Variants in NR3C2 observed in about 807,000 individuals in gnomAD.
The protein encoded by NR3C2 is nuclear receptor subfamily 3 group C member 2, also known as mineralocorticoid receptor.
A neutral mutation model predicts 86.4 loss-of-function variants in NR3C2; 15 were observed. The ratio of observed to expected loss-of-function variants is 0.17; its 90% confidence interval spans 0.12 to 0.27. NR3C2 has a LOEUF of 0.27. Ranked by LOEUF, NR3C2 falls within the 10% of genes least tolerant of loss-of-function variation. The pLI is 1.00. For synonymous variants in NR3C2, 458 were observed against 450.5 expected (o/e 1.02, Z -0.21); for missense variants, 960 against 1,195.6 (o/e 0.80, Z 2.91).
Position 148,081,425 on chromosome 4 carries a change from T to C in NR3C2, c.2874A>G (p.Ala958=). The C allele has an allele frequency of 1.2e-6, 2 of 1,614,048 alleles. No individual in the cohort carries two copies. Among genetic ancestry groups the C allele is most frequent in the Admixed American group, 1.7e-5 (1 of 60,020 alleles). ...GGTCGCTGATGATCTCCACCAGCAT[T>C]GCGGGGAACTCTACCTTCAGCGCAT... ...ESHALKVEFP[A]MLVEIISDQL... The change falls in exon 9 of 9, where the codon GCA becomes GCG. Residue 958 remains alanine, a synonymous_variant. Transcript: ENST00000358102.
chr4:148,091,799 G>A (rs1731074633), intron 8 of NR3C2, among the ~76,000 whole-genome samples: 1 of 152,214 alleles, frequency 6.6e-6, no homozygotes, highest in South Asian at 2.1e-4. Context: ...CCCCAGTACA[G>A]AGCTGATAGA....
intron 2 of NR3C2, among the ~76,000 whole-genome samples, chr4:148,402,330 CA>C (rs1009808065): frequency 6.6e-6 from 1 of 152,122 alleles, no homozygotes; most frequent in African/African-American, 2.4e-5. Context: ...CACTTAATAC[CA>C]AAGACACTCA....
intron 8 of NR3C2, among the ~76,000 whole-genome samples, chr4:148,082,114 C>T (rs776128704): frequency 6.6e-5 from 10 of 152,250 alleles, no homozygotes; most frequent in Non-Finnish European, 1.5e-4. Context: ...TCTTCAGCTA[C>T]TTCCTATTTC....
chr4:148,433,495 A>T (rs1328975073), intron 2 of NR3C2, among the ~76,000 whole-genome samples: 1 of 152,216 alleles, frequency 6.6e-6, no homozygotes, highest in Non-Finnish European at 1.5e-5. Flanking sequence ...AAAACTAAAA[A>T]TTATAAAACA....
chr4:148,336,752 T>C (rs1028546389), intron 2 of NR3C2, among the ~76,000 whole-genome samples: 1 of 152,188 alleles, frequency 6.6e-6, no homozygotes, highest in East Asian at 1.9e-4. Flanking sequence ...TACCTAATCA[T>C]TAAAATGATA....
At chr4:148,159,780 A>T (rs937081825) in intron 4 of NR3C2, among the ~76,000 whole-genome samples, 2 of 152,238 alleles carry the variant, frequency 1.3e-5, no homozygotes, top group African/African-American at 4.8e-5. Flanking sequence ...TGCTAATTAC[A>T]CAGGAACATT....
chr4:148,115,883 A>G (rs61764255), intron 7 of NR3C2, among the ~76,000 whole-genome samples: 2 of 152,234 alleles, frequency 1.3e-5, no homozygotes, highest in Admixed American at 1.3e-4. Flanking sequence ...TTATATAACA[A>G]ATAGTATTTT....
In NR3C2 at chr4:148,154,775, G is replaced by A. The variant is rs759774908; in HGVS notation, c.2141C>T (p.Ala714Val). The change falls in exon 5 of 9, where the codon GCA becomes GTA. Residue 714 changes from alanine to valine, a missense_variant. Physicochemically the swap from Ala to Val is moderately conservative, Grantham distance 64 (BLOSUM62 0). Coordinates refer to ENST00000358102, the MANE Select transcript of NR3C2 (RefSeq NM_000901.5). The part of the protein sequence containing the change: ...PEEGTTYIAP[A>V]KEPSVNTALV... The stretch of plus-strand genomic sequence containing the variant: ...TGCTGTGTTGACCGAGGGTTCTTTT[G>A]CAGGAGCGATGTACGTTGTCCCTTC... 3.9e-5 allele frequency: 53 copies of A among 1,371,968 alleles called. No homozygotes were observed. Among genetic ancestry groups the A allele is most frequent in the Non-Finnish European group, 9.7e-7 (1 of 1,028,980 alleles). 85.0% of individuals were successfully genotyped at this position (1,371,968 alleles called of 1,614,324 possible).
intron 3 of NR3C2, among the ~76,000 whole-genome samples, chr4:148,259,436 T>G (rs1403047931): frequency 8.5e-6 from 1 of 117,296 alleles, no homozygotes; most frequent in African/African-American, 3.4e-5. Flanking sequence ...TCAGTCAGGT[T>G]TTTCATTTAA....
In NR3C2 at chr4:148,191,344, G is replaced by A. The variant is rs563009606; in HGVS notation, c.2014+3402C>T. 1.4e-4 allele frequency among the ~76,000 whole-genome samples: 22 copies of A among 152,336 alleles called. No individual in the cohort carries two copies. The South Asian group carries it at 4.1e-3, about 29-fold the overall frequency. ...TTCTAGCTTTGAGGGTTTCTGCTGA[G>A]AAATCTGCTGTTAATCTGATAGGTT... On this transcript the variant is annotated intron_variant, in intron 4 of 8. Coordinates refer to ENST00000358102, the MANE Select transcript of NR3C2 (RefSeq NM_000901.5).
intron 3 of NR3C2, among the ~76,000 whole-genome samples, chr4:148,210,220 T>C (rs917126397): frequency 7.2e-5 from 11 of 152,284 alleles, no homozygotes; most frequent in African/African-American, 2.6e-4. Flanking sequence ...AGATGGAGTC[T>C]TGCTCTGTCA....
chr4:148,280,857 T>C (rs939317611), intron 2 of NR3C2, among the ~76,000 whole-genome samples: 1 of 152,208 alleles, frequency 6.6e-6, no homozygotes, highest in African/African-American at 2.4e-5. Context: ...TTTCCTCTGG[T>C]AAACTCTATA....
At chr4:148,097,267 G>A (rs1053272504) in intron 8 of NR3C2, among the ~76,000 whole-genome samples, 3 of 152,184 alleles carry the variant, frequency 2.0e-5, no homozygotes, top group African/African-American at 7.2e-5. Context: ...TCCTTCAGGA[G>A]TCATTTCCCT....
chr4:148,445,004 C>A (rs556181784), upstream of NR3C2: 3 of 984,834 alleles, frequency 3.0e-6, no homozygotes, highest in African/African-American at 3.5e-5. Flanking sequence ...CCTGCGCCCC[C>A]CTCCCCGGGT....
chr4:148,389,195 T>C (rs901716750), intron 2 of NR3C2, among the ~76,000 whole-genome samples: 3 of 152,020 alleles, frequency 2.0e-5, no homozygotes, highest in Non-Finnish European at 4.4e-5. Flanking sequence ...ATCCAACTTG[T>C]AATTAACAGC....
intron 2 of NR3C2, among the ~76,000 whole-genome samples, chr4:148,357,181 T>C (rs886634650): frequency 2.0e-5 from 3 of 152,152 alleles, no homozygotes; most frequent in East Asian, 1.9e-4. Context: ...GGAAAATCCT[T>C]AGCAAATACT....
intron 2 of NR3C2, among the ~76,000 whole-genome samples, chr4:148,319,733 C>T (rs1346362123): frequency 6.6e-6 from 1 of 150,716 alleles, no homozygotes; most frequent in East Asian, 1.9e-4. Context: ...ATTTTGTATC[C>T]TGAGACTTTG....
intron 7 of NR3C2, 141 bp downstream of exon 7, chr4:148,120,017 C>G (rs1732443268): frequency 8.6e-7 from 1 of 1,164,640 alleles, no homozygotes; most frequent in African/African-American, 1.5e-5. Flanking sequence ...AGGTCAAAGC[C>G]TTCCTCCCAT....
intron 6 of NR3C2, among the ~76,000 whole-genome samples, chr4:148,142,381 C>T (rs1733654482): frequency 1.3e-5 from 2 of 152,046 alleles, no homozygotes; most frequent in Admixed American, 1.3e-4. Flanking sequence ...ACCTATAGAT[C>T]CTAGATCACA....
Sources: allele counts gnomAD v4.1 joint callset (sites outside exome capture counted in the v4.1 genomes callset), GRCh38; gene constraint gnomAD v4.1.1; transcripts MANE v1.5; gene names NCBI Gene and HGNC (gene_info 2026-07-23, HGNC 2026-07-21).